Variants in PIWIL3 observed in about 807,000 individuals in gnomAD.
The protein encoded by PIWIL3 is piwi like RNA-mediated gene silencing 3, also known as piwi-like protein 3.
In PIWIL3, 101 loss-of-function variants were observed where a neutral mutation model predicts 109.7. The observed-to-expected ratio is 0.92, with a 90% CI of 0.78 to 1.09. The LOEUF (loss-of-function observed/expected upper bound fraction) is 1.09. Ranked by LOEUF, PIWIL3 falls within the 50% of genes least tolerant of loss-of-function variation. PIWIL3 has a pLI of 0.00. For synonymous variants in PIWIL3, 373 were observed against 376.4 expected, an observed-to-expected ratio of 0.99 and a Z score of 0.10; for missense variants, 1,031 against 1,072.6, an observed-to-expected ratio of 0.96 and a Z score of 0.54.
At chr22:24,754,911 T>C (rs1471369026) in intron 6 of PIWIL3, 47 bp from the exon 7 acceptor site, 1 of 1,512,316 alleles carries the variant, frequency 6.6e-7, no homozygotes, top group Non-Finnish European at 9.2e-7. Flanking sequence ...GGGTACATTA[T>C]TAAGCATTTG....
chr22:24,731,870 C>T (rs73879113), intron 14 of PIWIL3, among the ~76,000 whole-genome samples: 2,959 of 152,190 alleles, frequency 0.019, 96 homozygotes, highest in African/African-American at 0.068. Context: ...AACAGCAGCC[C>T]GGCCCCTCAG....
chr22:24,740,078 G>T (rs550918110), intron 12 of PIWIL3, among the ~76,000 whole-genome samples: 1 of 151,158 alleles, frequency 6.6e-6, no homozygotes, highest in African/African-American at 2.4e-5. Flanking sequence ...AATTAGCCGG[G>T]CATGGTGACA....
intron 2 of PIWIL3, 89 bp from the exon 3 acceptor site, chr22:24,760,078 G>A: frequency 6.6e-7 from 1 of 1,524,946 alleles, no homozygotes; most frequent in South Asian, 1.2e-5. Flanking sequence ...CAAGGCAAAG[G>A]AACTTCCTCT....
At chr22:24,758,376 C>T (rs1004131015) in intron 3 of PIWIL3, among the ~76,000 whole-genome samples, 13 of 152,296 alleles carry the variant, frequency 8.5e-5, no homozygotes, top group Admixed American at 8.5e-4. Flanking sequence ...TAGTGGGCAT[C>T]ATAAAATGCC....
At chr22:24,751,796 A>G (rs1332606118) in intron 8 of PIWIL3, among the ~76,000 whole-genome samples, 1 of 152,144 alleles carries the variant, frequency 6.6e-6, no homozygotes, top group Non-Finnish European at 1.5e-5. Context: ...GTGTCTCAAC[A>G]CATTTGCTCA....
At chr22:24,760,196 G>A (rs935587036) in intron 2 of PIWIL3, among the ~76,000 whole-genome samples, 2 of 152,152 alleles carry the variant, frequency 1.3e-5, no homozygotes, top group African/African-American at 2.4e-5. Context: ...AAAACAAACC[G>A]AGGAGAATCA....
At chr22:24,760,898 G>A (rs1419553204) in intron 2 of PIWIL3, among the ~76,000 whole-genome samples, 1 of 151,788 alleles carries the variant, frequency 6.6e-6, no homozygotes, top group Non-Finnish European at 1.5e-5. Context: ...AGCAAGGGAT[G>A]TGAGCTGTTT....
Position 24,719,281 on chromosome 22 carries a change from C to A in PIWIL3, c.*191G>T. 3.1e-6 allele frequency: 1 copy of A among 326,614 alleles called. No individual in the cohort carries two copies. 20.2% of individuals were successfully genotyped at this position (326,614 alleles called of 1,614,324 possible). On this transcript the variant is annotated 3_prime_UTR_variant, in exon 21 of 21. Transcript: ENST00000616349. ...TGCAAGCCAAACCCTGTCAGTTCTCCTCTCTGGAAAAATCAGTCTGTGGTA... is the reference window on the plus strand; with the variant it reads ...TGCAAGCCAAACCCTGTCAGTTCTCATCTCTGGAAAAATCAGTCTGTGGTA...
At chr22:24,760,814 G>A (rs1925392280) in intron 2 of PIWIL3, among the ~76,000 whole-genome samples, 1 of 128,510 alleles carries the variant, frequency 7.8e-6, no homozygotes, top group African/African-American at 2.9e-5. Flanking sequence ...GCTGTGACAG[G>A]ATACCAGGCA....
At chr22:24,719,967 T>C in intron 19 of PIWIL3, 72 bp from the exon 20 acceptor site, 1 of 1,287,500 alleles carries the variant, frequency 7.8e-7, no homozygotes, top group Non-Finnish European at 1.1e-6. Flanking sequence ...ATGTCTGAAA[T>C]GAAAACATTT....
At chr22:24,755,147 G>C (rs938873502) in intron 6 of PIWIL3, among the ~76,000 whole-genome samples, 1 of 152,162 alleles carries the variant, frequency 6.6e-6, no homozygotes, top group African/African-American at 2.4e-5. Flanking sequence ...TTTGGAGACA[G>C]AGTCTCGCTC....
In PIWIL3 at chr22:24,735,883, T is replaced by A; in HGVS notation, c.1459A>T (p.Asn487Tyr). Residue 487 changes from asparagine (N) to tyrosine (Y), a missense_variant, in exon 13 of 21, where the codon AAT becomes TAT. By Grantham distance (143) the Asn-to-Tyr change is moderately radical. Transcript: ENST00000616349. ...TCTCTTGACCAGTCTCCTTGTGAAT[T>A]GGCTTTAACCTGGAAAAGAATTATA... is the stretch of plus-strand genomic sequence containing the variant. ...IVQGRRMVKA[N>Y]SQGDWSREIR... 1 of 1,599,424 alleles carries A rather than the reference T, an allele frequency of 6.3e-7. No homozygotes were observed. Among genetic ancestry groups the A allele is most frequent in the South Asian group, 1.1e-5 (1 of 87,750 alleles).
At chr22:24,735,625 A>G (rs1198124191) in intron 13 of PIWIL3, 83 bp downstream of exon 13, 4 of 1,351,938 alleles carry the variant, frequency 3.0e-6, no homozygotes, top group Non-Finnish European at 4.0e-6. Flanking sequence ...ACAGTGACCA[A>G]TTCCTACAAT....
intron 1 of PIWIL3, among the ~76,000 whole-genome samples, chr22:24,771,723 T>C (rs931126744): frequency 2.1e-5 from 3 of 145,622 alleles, no homozygotes; most frequent in East Asian, 4.2e-4. Flanking sequence ...TTGAAGACTA[T>C]TTCTCTCTCT....
intron 13 of PIWIL3, among the ~76,000 whole-genome samples, 196 bp from the exon 14 acceptor site, chr22:24,734,352 T>C (rs1032885689): frequency 6.6e-6 from 1 of 152,226 alleles, no homozygotes; most frequent in Non-Finnish European, 1.5e-5. Flanking sequence ...ACATCACTAC[T>C]CTGCCCTAAC....
At chr22:24,764,191 T>C (rs1381372889) in intron 1 of PIWIL3, among the ~76,000 whole-genome samples, 1 of 152,218 alleles carries the variant, frequency 6.6e-6, no homozygotes, top group Non-Finnish European at 1.5e-5. Flanking sequence ...GCCGCCTCCG[T>C]CCGGCCGAAA....
chr22:24,753,183 A>G (rs192834028), intron 8 of PIWIL3, among the ~76,000 whole-genome samples: 6 of 152,302 alleles, frequency 3.9e-5, no homozygotes, highest in Admixed American at 3.3e-4. Context: ...TTCTTTTGTT[A>G]TCACTTCTGC....
At chr22:24,727,874 A>G (rs1440534736) in intron 16 of PIWIL3, 76 bp downstream of exon 16, 2 of 1,179,514 alleles carry the variant, frequency 1.7e-6, no homozygotes, top group Non-Finnish European at 2.4e-6. Context: ...GAGTTAACAC[A>G]TATTAATTAG....
At chr22:24,765,137 G>A (rs12169957) in intron 1 of PIWIL3, among the ~76,000 whole-genome samples, 214 of 152,252 alleles carry the variant, frequency 1.4e-3, no homozygotes, top group African/African-American at 4.8e-3. Flanking sequence ...AAATGGATGG[G>A]AATTTGTCAG....
Sources: allele counts gnomAD v4.1 joint callset (sites outside exome capture counted in the v4.1 genomes callset), GRCh38; gene constraint gnomAD v4.1.1; transcripts MANE v1.5; gene names NCBI Gene and HGNC (gene_info 2026-07-23, HGNC 2026-07-21).